MACROD1: variants seen among roughly 807,000 people sequenced by gnomAD.
MACROD1 encodes the protein ADP-ribose glycohydrolase MACROD1.
MACROD1 carries 31 observed loss-of-function variants against 41.4 expected under a neutral mutation model. The observed-to-expected ratio is 0.75, with a 90% CI of 0.56 to 1.01. The LOEUF (loss-of-function observed/expected upper bound fraction) is 1.01. Ranked by LOEUF, MACROD1 falls within the 50% of genes least tolerant of loss-of-function variation. MACROD1 has a pLI of 0.00. For synonymous variants in MACROD1, 252 were observed against 203.4 expected (o/e 1.24, Z -2.03); for missense variants, 473 against 460.0 (o/e 1.03, Z -0.26).
At chr11:64,142,233 A>C (rs1047350669) in intron 3 of MACROD1, among the ~76,000 whole-genome samples, 2 of 152,174 alleles carry the variant, frequency 1.3e-5, no homozygotes, top group African/African-American at 4.8e-5. Flanking sequence ...TCACTTATTC[A>C]TTCAACAAAC....
At chr11:64,024,586 TAGCATAACC>T (rs1266117763) in intron 3 of MACROD1, among the ~76,000 whole-genome samples, 1 of 152,158 alleles carries the variant, frequency 6.6e-6, no homozygotes, top group Non-Finnish European at 1.5e-5. Flanking sequence ...CATCCCACAT[TAGCATAACC>T]ATAAGCATCC....
At chr11:64,007,196 C>G (rs544980) in intron 4 of MACROD1, among the ~76,000 whole-genome samples, 152,339 of 152,368 alleles carry the variant, frequency 1, 76,155 homozygotes, top group Middle Eastern at 1. Context: ...TACGAGGGCT[C>G]GGGGGCGACG....
At chr11:64,132,481 G>A (rs1350831996) in intron 3 of MACROD1, among the ~76,000 whole-genome samples, 1 of 152,166 alleles carries the variant, frequency 6.6e-6, no homozygotes, top group Non-Finnish European at 1.5e-5. Context: ...TTAAAGCAGA[G>A]ATTACAAACC....
chr11:64,103,037 C>T (rs143684734), intron 3 of MACROD1, among the ~76,000 whole-genome samples: 2,017 of 151,722 alleles, frequency 0.013, 41 homozygotes, highest in African/African-American at 0.046. Context: ...TGCCACTGCA[C>T]TCTAGCCTGG....
chr11:64,085,446 C>T (rs530160406), intron 3 of MACROD1, among the ~76,000 whole-genome samples: 1 of 152,240 alleles, frequency 6.6e-6, no homozygotes, highest in African/African-American at 2.4e-5. Flanking sequence ...CCAGGCCCAA[C>T]CACGGGGCTG....
intron 3 of MACROD1, among the ~76,000 whole-genome samples, chr11:64,121,963 T>G (rs1340845525): frequency 7.6e-6 from 1 of 131,730 alleles, no homozygotes; most frequent in African/African-American, 3.3e-5. Flanking sequence ...TTCCTTTAAA[T>G]CTCCCCTAAA....
chr11:64,157,348 C>A (rs1945684847), intron 1 of MACROD1, among the ~76,000 whole-genome samples: 1 of 152,206 alleles, frequency 6.6e-6, no homozygotes, highest in African/African-American at 2.4e-5. Context: ...CCTGCCTCAG[C>A]CTCCGAAAGT....
At chr11:64,110,817 CACA>C (rs1198834460) in intron 3 of MACROD1, among the ~76,000 whole-genome samples, 1 of 152,174 alleles carries the variant, frequency 6.6e-6, no homozygotes, top group Non-Finnish European at 1.5e-5. Flanking sequence ...CTATGAAACA[CACA>C]ACAAGGGAAT....
At chr11:64,149,710 C>T (rs1945547253) in intron 3 of MACROD1, among the ~76,000 whole-genome samples, 1 of 152,266 alleles carries the variant, frequency 6.6e-6, no homozygotes, top group Non-Finnish European at 1.5e-5. Flanking sequence ...CTCTCACACG[C>T]TTGCCAGTGA....
chr11:64,025,563 A>G (rs939598199), intron 3 of MACROD1, among the ~76,000 whole-genome samples: 3 of 152,136 alleles, frequency 2.0e-5, no homozygotes, highest in African/African-American at 7.2e-5. Context: ...TATTTTCTTT[A>G]GAGTTTTACT....
chr11:64,095,534 C>T (rs1191295387), intron 3 of MACROD1, among the ~76,000 whole-genome samples: 1 of 152,124 alleles, frequency 6.6e-6, no homozygotes, highest in Non-Finnish European at 1.5e-5. Flanking sequence ...GGCACCTGTC[C>T]CTGGGGGCTG....
intron 3 of MACROD1, chr11:64,117,198 C>T (rs563049161): frequency 8.0e-5 from 129 of 1,614,130 alleles, no homozygotes; most frequent in Middle Eastern, 6.6e-4. Context: ...CACGCTGCCC[C>T]GCGGCCTGTT....
In MACROD1 at chr11:64,122,998, T is replaced by G. The variant is rs893358995; in HGVS notation, c.517+28241A>C. 2.6e-5 allele frequency among the ~76,000 whole-genome samples: 4 copies of G among 152,214 alleles called. No homozygotes were observed. The highest frequency in any genetic ancestry group is 5.9e-5 in the Non-Finnish European group (4 of 68,034). On this transcript the variant is annotated intron_variant, in intron 3 of 10. Coordinates refer to ENST00000255681, the MANE Select transcript of MACROD1 (RefSeq NM_014067.4). This position sits in a 1 kb window ranked among gnomAD's most constrained non-coding sequence, Gnocchi z 4.0. ...TCAGAAACCTGCTTCCTGCTGAACG[T>G]GCCAGAGAGGAGGCTGGGGCTTCTG...
chr11:64,125,697 G>A (rs930974794), intron 3 of MACROD1, among the ~76,000 whole-genome samples: 1 of 152,198 alleles, frequency 6.6e-6, no homozygotes, highest in Admixed American at 6.5e-5. Flanking sequence ...CACTCTGAGA[G>A]ATCCGGTGGC....
rs1431437083 is a variant in MACROD1 at position 64,064,063 on chromosome 11, G to A, written c.518-48782C>T. Among the ~76,000 whole-genome samples the A allele has an allele frequency of 1.3e-5, 2 of 152,124 alleles. No individual in the cohort carries two copies. Among genetic ancestry groups the A allele is most frequent in the Non-Finnish European group, 2.9e-5 (2 of 68,018 alleles). On this transcript the variant is annotated intron_variant, in intron 3 of 10. Transcript: ENST00000255681. This position sits in a 1 kb window ranked among gnomAD's most constrained non-coding sequence, Gnocchi z 4.5. ...TGTAGGTTAGCCAGCTTTGAACAGC[G>A]ACACCCACACAAACCCGAGGTCTCT...
At chr11:64,041,133 C>A (rs1271737396) in intron 3 of MACROD1, among the ~76,000 whole-genome samples, 1 of 146,502 alleles carries the variant, frequency 6.8e-6, no homozygotes, top group African/African-American at 2.5e-5. Flanking sequence ...ATTTTTTTCA[C>A]GCCCCTTTCC....
At chr11:64,024,185 C>A (rs1418276060) in intron 3 of MACROD1, among the ~76,000 whole-genome samples, 3 of 152,252 alleles carry the variant, frequency 2.0e-5, no homozygotes, top group African/African-American at 7.2e-5. Flanking sequence ...GTCAGCTGCT[C>A]GCTCATGGCG....
chr11:64,098,635 T>G (rs1490747938), intron 3 of MACROD1, among the ~76,000 whole-genome samples: 1 of 152,186 alleles, frequency 6.6e-6, no homozygotes, highest in Non-Finnish European at 1.5e-5. Context: ...ACAAAGAGCC[T>G]TTTCATCTAT....
At chr11:64,143,755 C>T (rs1437922799) in intron 3 of MACROD1, among the ~76,000 whole-genome samples, 1 of 60,864 alleles carries the variant, frequency 1.6e-5, no homozygotes, top group Non-Finnish European at 5.1e-5. Flanking sequence ...CACACACATA[C>T]ACACACACAC....
Sources: allele counts gnomAD v4.1 joint callset (sites outside exome capture counted in the v4.1 genomes callset), GRCh38; gene constraint gnomAD v4.1.1; non-coding constraint Gnocchi (gnomAD v3.1); transcripts MANE v1.5; gene names NCBI Gene and HGNC (gene_info 2026-07-23, HGNC 2026-07-21).